Variants in SERAC1 observed in about 807,000 individuals in gnomAD.
SERAC1 encodes the protein protein SERAC1.
SERAC1 carries 36 observed loss-of-function variants against 85.7 expected under a neutral mutation model. The observed-to-expected ratio is 0.42, with a 90% CI of 0.32 to 0.55. The LOEUF is 0.55. SERAC1 is among the 20% of genes least tolerant of loss of function. The pLI is 0.11. For synonymous variants in SERAC1, 242 were observed against 265.3 expected (o/e 0.91, Z 0.85); for missense variants, 629 against 796.2 (o/e 0.79, Z 2.53).
chr6:158,165,402 G>A (rs1157439503), intron 1 of SERAC1, among the ~76,000 whole-genome samples: 5 of 152,006 alleles, frequency 3.3e-5, no homozygotes, highest in Admixed American at 3.3e-4. Context: ...TGATCCACCC[G>A]CCTCGGCCTA....
rs1784107921 is a variant in SERAC1 at position 158,110,116 on chromosome 6, G to C, written c.*1250C>G. ...CTAAAAACCAATGAATTGAGCCTGGGAACAATGGCTCTGGCCTATAATCAC... is the reference window on the plus strand; with the variant it reads ...CTAAAAACCAATGAATTGAGCCTGGCAACAATGGCTCTGGCCTATAATCAC... On this transcript the variant is annotated 3_prime_UTR_variant, in exon 17 of 17. Transcript: ENST00000647468. 1 of 152,342 alleles carries C rather than the reference G, an allele frequency of 6.6e-6. No individual in the cohort carries two copies. Among genetic ancestry groups the C allele is most frequent in the East Asian group, 1.9e-4 (1 of 5,192 alleles). 9.4% of individuals were successfully genotyped at this position (152,342 alleles called of 1,614,324 possible). A position where few individuals can be genotyped will look rare whatever the true frequency, so the allele number is the denominator to read the frequency against.
chr6:158,131,040 T>C (rs1427409743), intron 8 of SERAC1, among the ~76,000 whole-genome samples: 1 of 151,740 alleles, frequency 6.6e-6, no homozygotes, highest in Non-Finnish European at 1.5e-5. Flanking sequence ...AACAGAAGAG[T>C]AGTGGGGACT....
intron 7 of SERAC1, among the ~76,000 whole-genome samples, chr6:158,143,842 G>A (rs1420261314): frequency 2.0e-5 from 3 of 152,096 alleles, no homozygotes; most frequent in Admixed American, 2.0e-4. Flanking sequence ...ATCTGGCAAC[G>A]TCTGGGGTCA....
At chr6:158,146,402 T>A (rs1322826864) in intron 6 of SERAC1, 1 of 126,658 alleles carries the variant, frequency 7.9e-6, no homozygotes, top group East Asian at 2.1e-4. Context: ...CCTTGTCTTT[T>A]TTTTTTTTTT....
chr6:158,156,391 C>G (rs950171910), intron 2 of SERAC1, among the ~76,000 whole-genome samples: 2 of 152,000 alleles, frequency 1.3e-5, no homozygotes, highest in Non-Finnish European at 2.9e-5. Context: ...TGTAGCCAAT[C>G]GGATATAGAT....
At position 158,129,791 on chromosome 6, in the gene SERAC1, G is replaced by C. The variant is rs963912227; in HGVS notation, c.852+582C>G. On this transcript the variant is annotated intron_variant, in intron 9 of 16. Transcript: ENST00000647468. ...AGTTCACTGCAACCTCTGCTACCCA[G>C]GTTCAAGCGATTCTCCTGCCTCAGC... 3.3e-5 allele frequency among the ~76,000 whole-genome samples: 5 copies of C among 151,538 alleles called. No individual in the cohort carries two copies. The East Asian group carries it at 9.7e-4, about 29-fold the overall frequency.
chr6:158,135,165 G>A (rs1204817591), intron 8 of SERAC1, among the ~76,000 whole-genome samples: 1 of 152,040 alleles, frequency 6.6e-6, no homozygotes, highest in African/African-American at 2.4e-5. Context: ...GGTAAAAGGA[G>A]ACTAAATACA....
intron 10 of SERAC1, among the ~76,000 whole-genome samples, chr6:158,124,537 A>T (rs374295574): frequency 6.6e-6 from 1 of 152,192 alleles, no homozygotes; most frequent in Non-Finnish European, 1.5e-5. Context: ...AAGGTAATGC[A>T]TATGTTAATT....
intron 8 of SERAC1, among the ~76,000 whole-genome samples, chr6:158,132,272 G>A (rs908456026): frequency 3.9e-5 from 6 of 152,120 alleles, no homozygotes; most frequent in African/African-American, 1.4e-4. Context: ...CCATGGTTCA[G>A]TAAACCAACT....
intron 4 of SERAC1, 38 bp from the exon 5 acceptor site, chr6:158,148,992 A>ATTTTTTTTTTT (rs71027384): frequency 8.1e-7 from 1 of 1,233,688 alleles, no homozygotes; most frequent in Non-Finnish European, 1.1e-6. Flanking sequence ...CCAAGAATGT[A>ATTTTTTTTTTT]TTTTTTTTTT....
rs926332400 is a variant in SERAC1, at chr6:158,142,934, C to G, written c.738+122G>C. The G allele has an allele frequency of 4.0e-5, 29 of 731,348 alleles. No individual in the cohort carries two copies. The African/African-American group carries it at 5.0e-4, about 13-fold the overall frequency. The allele number at this position is 731,348 out of a possible 1,614,324, so 45.3% of individuals were successfully genotyped here. A position where few individuals can be genotyped will look rare whatever the true frequency, so the allele number is the denominator to read the frequency against. On this transcript the variant is annotated intron_variant, in intron 8 of 16. Coordinates refer to ENST00000647468, the MANE Select transcript of SERAC1 (RefSeq NM_032861.4). ...GTCATCCCTGACATCCAGCCCAGGG[C>G]ATGACACACAACCAGAAGTTAGCAT... is the stretch of plus-strand genomic sequence containing the variant.
At chr6:158,121,353 T>C (rs949317144) in intron 10 of SERAC1, among the ~76,000 whole-genome samples, 1 of 152,108 alleles carries the variant, frequency 6.6e-6, no homozygotes, top group African/African-American at 2.4e-5. Flanking sequence ...TATTTATTTA[T>C]ATAATTTATT....
Position 158,114,948 on chromosome 6 carries a change from A to G in SERAC1, c.1525T>C (p.Leu509=), listed in dbSNP as rs369055467. ...ATTTCTGGCTTCGTAGAGGCTTCCA[A>G]CAGCATCTTTTTGACAAGAAGACCT... ...MGGLLVKKML[L]EASTKPEMST... is the part of the protein sequence containing the mutation. Residue 509 remains leucine (L), a synonymous_variant, in exon 15 of 17, where the codon TTG becomes CTG. Coordinates refer to ENST00000647468, the MANE Select transcript of SERAC1 (RefSeq NM_032861.4). The G allele has an allele frequency of 2.4e-5, 38 of 1,611,890 alleles. No individual in the cohort carries two copies. Among genetic ancestry groups the G allele is most frequent in the African/African-American group, 2.0e-4 (15 of 74,842 alleles).
intron 8 of SERAC1, among the ~76,000 whole-genome samples, chr6:158,140,084 A>G (rs1443908519): frequency 6.6e-6 from 1 of 152,250 alleles, no homozygotes; most frequent in Non-Finnish European, 1.5e-5. Flanking sequence ...CCACACAAAG[A>G]CATGCACATA....
At chr6:158,136,657 G>A (rs1784800900) in intron 8 of SERAC1, among the ~76,000 whole-genome samples, 1 of 152,144 alleles carries the variant, frequency 6.6e-6, no homozygotes, top group Admixed American at 6.5e-5. Context: ...ACTGTGCCCA[G>A]CTTGAAAGCA....
At position 158,117,580 on chromosome 6, in the gene SERAC1, A is replaced by G; in HGVS notation, c.1403+147T>C. 6.4e-7 allele frequency: 1 copy of G among 1,552,518 alleles called. No individual in the cohort carries two copies. Among genetic ancestry groups the G allele is most frequent in the Non-Finnish European group, 8.7e-7 (1 of 1,147,488 alleles). Reference sequence around the variant, plus strand: ...CTTATTGACAGCAAACTCCTTCTAGAAGGAAGACAAAAAAGATTAGGTTTG... The same window carrying G: ...CTTATTGACAGCAAACTCCTTCTAGGAGGAAGACAAAAAAGATTAGGTTTG... On this transcript the variant is annotated intron_variant, in intron 13 of 16. Coordinates refer to ENST00000647468, the MANE Select transcript of SERAC1 (RefSeq NM_032861.4). This position sits in a 1 kb window ranked among gnomAD's most constrained non-coding sequence, Gnocchi z 4.3.
chr6:158,134,440 A>G (rs1404751076), intron 8 of SERAC1, among the ~76,000 whole-genome samples: 1 of 152,218 alleles, frequency 6.6e-6, no homozygotes, highest in Non-Finnish European at 1.5e-5. Context: ...AATAAGCAAG[A>G]ACTCCAAAAA....
At chr6:158,145,492 T>C (rs1255425031) in intron 6 of SERAC1, 1 of 151,968 alleles carries the variant, frequency 6.6e-6, no homozygotes, top group Non-Finnish European at 1.5e-5. Context: ...GAGATCTCAT[T>C]CTGAGCTTAA....
chr6:158,131,455 TTATA>T (rs1185596540), intron 8 of SERAC1, among the ~76,000 whole-genome samples: 1 of 129,814 alleles, frequency 7.7e-6, no homozygotes, highest in Non-Finnish European at 1.6e-5. Flanking sequence ...ATATAATTCA[TTATA>T]TATAAAATAC....
Sources: allele counts gnomAD v4.1 joint callset (sites outside exome capture counted in the v4.1 genomes callset), GRCh38; gene constraint gnomAD v4.1.1; non-coding constraint Gnocchi (gnomAD v3.1); transcripts MANE v1.5; gene names NCBI Gene and HGNC (gene_info 2026-07-23, HGNC 2026-07-21).